Variants in SOX5 observed in about 807,000 individuals in gnomAD.
SOX5 encodes transcription factor SOX-5.
Under a neutral mutation model 92.0 loss-of-function variants are expected in SOX5, and 9 were observed. The observed-to-expected ratio is 0.10, with a 90% CI of 0.06 to 0.17. The LOEUF is 0.17. Ranked by LOEUF, SOX5 falls within the 10% of genes least tolerant of loss-of-function variation. The pLI, the probability that SOX5 is intolerant of heterozygous loss-of-function variation, is 1.00. For synonymous variants in SOX5, 344 were observed against 336.3 expected (o/e 1.02, Z -0.25); for missense variants, 642 against 944.5 (o/e 0.68, Z 4.20).
chr12:24,276,361 C>G (rs1565807854), intron 3 of SOX5, among the ~76,000 whole-genome samples: 2 of 152,092 alleles, frequency 1.3e-5, no homozygotes, highest in Non-Finnish European at 2.9e-5. Context: ...ACACTTGCAT[C>G]TTGAAATGGT....
intron 1 of SOX5, among the ~76,000 whole-genome samples, chr12:24,467,342 C>T (rs749766419): frequency 5.9e-5 from 9 of 152,188 alleles, no homozygotes; most frequent in African/African-American, 1.2e-4. Flanking sequence ...GAGACAGAAA[C>T]CAATGAATGC....
At chr12:24,482,600 C>G (rs949838882) in intron 1 of SOX5, among the ~76,000 whole-genome samples, 1 of 152,182 alleles carries the variant, frequency 6.6e-6, no homozygotes, top group Non-Finnish European at 1.5e-5. Flanking sequence ...AACCCTTCTA[C>G]AAATAGTATA....
chr12:23,916,288 C>T (rs1202475628), intron 1 of SOX5, among the ~76,000 whole-genome samples: 1 of 152,104 alleles, frequency 6.6e-6, no homozygotes, highest in African/African-American at 2.4e-5. Context: ...AGTGTAACCG[C>T]ACACAATCCA....
intron 1 of SOX5, among the ~76,000 whole-genome samples, chr12:24,401,649 G>T (rs900910909): frequency 7.0e-6 from 1 of 143,450 alleles, no homozygotes; most frequent in African/African-American, 2.6e-5. Context: ...GTTGGAAGAT[G>T]CAGTGGCACA....
chr12:24,432,034 G>A lies in SOX5; in HGVS notation c.-250-63395C>T, dbSNP rs60688352. On this transcript the variant is annotated intron_variant, in intron 1 of 4. Coordinates refer to the SOX5 transcript ENST00000446891. ...TTTCCATTTGGCTTAGGGTTTCCTC[G>A]CAGCCTCATGACAGTGTCACCCCAC... is the stretch of plus-strand genomic sequence containing the variant. Among the ~76,000 whole-genome samples, 858 of 152,136 alleles carry A rather than the reference G, an allele frequency of 5.6e-3. 7 individuals are homozygous for A. Among genetic ancestry groups the A allele is most frequent in the African/African-American group, 0.02 (826 of 41,490 alleles).
At chr12:24,491,078 C>T (rs995487841) in intron 1 of SOX5, among the ~76,000 whole-genome samples, 1 of 152,108 alleles carries the variant, frequency 6.6e-6, no homozygotes, top group Non-Finnish European at 1.5e-5. Context: ...TTCCTTCTTT[C>T]TTTCTTTCTG....
chr12:23,817,037 C>T (rs1306755350), intron 3 of SOX5, among the ~76,000 whole-genome samples: 4 of 152,154 alleles, frequency 2.6e-5, no homozygotes, highest in East Asian at 1.9e-4. Context: ...TAATGTATTA[C>T]TATTTTGTCC....
intron 4 of SOX5, among the ~76,000 whole-genome samples, chr12:24,178,222 G>C (rs1955041263): frequency 6.9e-6 from 1 of 144,410 alleles, no homozygotes; most frequent in South Asian, 2.2e-4. Context: ...AAACACCTTA[G>C]AGTAACAAAA....
chr12:23,934,075 G>T (rs1483461963), intron 1 of SOX5, among the ~76,000 whole-genome samples: 1 of 151,150 alleles, frequency 6.6e-6, no homozygotes, highest in Admixed American at 6.6e-5. Flanking sequence ...TTTCTTATCT[G>T]GTCTCTACTA....
intron 3 of SOX5, among the ~76,000 whole-genome samples, chr12:23,829,721 T>C (rs147264103): frequency 8.1e-4 from 123 of 152,256 alleles, no homozygotes; most frequent in African/African-American, 2.8e-3. Flanking sequence ...GACCTGATAG[T>C]AGACAAACTA....
chr12:24,101,212 T>C (rs1184800614), intron 4 of SOX5, among the ~76,000 whole-genome samples: 1 of 152,106 alleles, frequency 6.6e-6, no homozygotes, highest in East Asian at 1.9e-4. Context: ...CAATTTTATC[T>C]CCTAATTATG....
intron 4 of SOX5, among the ~76,000 whole-genome samples, chr12:24,005,943 G>C (rs2136435043): frequency 6.6e-6 from 1 of 152,288 alleles, no homozygotes; most frequent in South Asian, 2.1e-4. Context: ...AAAATATGGA[G>C]AAGAAAAATC....
intron 6 of SOX5, among the ~76,000 whole-genome samples, chr12:23,704,957 G>T (rs2091201831): frequency 6.6e-6 from 1 of 151,146 alleles, no homozygotes; most frequent in Non-Finnish European, 1.5e-5. Context: ...AAATATAAAA[G>T]ACAGATGTTA....
chr12:24,353,377 G>C (rs957436164), intron 2 of SOX5, among the ~76,000 whole-genome samples: 11 of 152,108 alleles, frequency 7.2e-5, no homozygotes, highest in Non-Finnish European at 1.5e-4. Context: ...TTCCTCTGTA[G>C]AACTACACAC....
At chr12:23,871,870 C>T (rs2096876062) in intron 2 of SOX5, among the ~76,000 whole-genome samples, 1 of 152,074 alleles carries the variant, frequency 6.6e-6, no homozygotes, top group Non-Finnish European at 1.5e-5. Flanking sequence ...TAAGTTGGCC[C>T]TGTCTATAAC....
intron 4 of SOX5, among the ~76,000 whole-genome samples, chr12:24,191,932 C>T (rs1246246229): frequency 6.6e-6 from 1 of 152,042 alleles, no homozygotes; most frequent in Admixed American, 6.6e-5. Flanking sequence ...TAATCTCAAA[C>T]CAAGATTCCA....
chr12:24,098,761 G>A (rs1188491042), intron 4 of SOX5, among the ~76,000 whole-genome samples: 2 of 152,046 alleles, frequency 1.3e-5, no homozygotes, highest in African/African-American at 4.8e-5. Flanking sequence ...GCAGACTTGT[G>A]CAGCTCCTGA....
At chr12:23,953,577 A>G (rs573895285), upstream of SOX5, among the ~76,000 whole-genome samples, 2 of 152,074 alleles carry the variant, frequency 1.3e-5, no homozygotes, top group Admixed American at 6.5e-5. Context: ...TTAAAAAGTT[A>G]TAACAATTCT....
chr12:23,777,477 A>G (rs1284294361), intron 3 of SOX5, among the ~76,000 whole-genome samples: 1 of 152,124 alleles, frequency 6.6e-6, no homozygotes, highest in East Asian at 1.9e-4. Flanking sequence ...TCCAATTTTT[A>G]ATGAATTCAG....
Sources: gnomAD v4.1 joint callset for allele counts (sites outside exome capture counted in the v4.1 genomes callset) on GRCh38, gnomAD v4.1.1 for gene constraint, MANE v1.5 for transcripts, NCBI Gene and HGNC (gene_info 2026-07-23, HGNC 2026-07-21) for gene names.